Variants in ST3GAL1 observed in about 807,000 individuals in gnomAD.
ST3GAL1 encodes the protein CMP-N-acetylneuraminate-beta-galactosamide-alpha-2,3-sialyltransferase 1.
In ST3GAL1, 16 loss-of-function variants were observed where a neutral mutation model predicts 34.1. That is an observed-to-expected ratio of 0.47 (90% CI 0.32 to 0.71). The LOEUF (loss-of-function observed/expected upper bound fraction) is 0.71. Ranked by LOEUF, ST3GAL1 falls within the 30% of genes least tolerant of loss-of-function variation. The pLI is 0.04. For synonymous variants in ST3GAL1, 191 were observed against 184.7 expected, an observed-to-expected ratio of 1.03 and a Z score of -0.28; for missense variants, 353 against 447.4, an observed-to-expected ratio of 0.79 and a Z score of 1.90.
Position 133,477,554 on chromosome 8 carries a change from T to C in ST3GAL1, c.-373-954A>G, listed in dbSNP as rs1388088910. Among the ~76,000 whole-genome samples, 3 of 127,432 alleles carry C rather than the reference T, an allele frequency of 2.4e-5. No individual in the cohort carries two copies. The Admixed American group carries it at 2.4e-4, about 10-fold the overall frequency. The allele number at this position is 127,432 out of a possible 152,430, so 83.6% of individuals were successfully genotyped here. A position where few individuals can be genotyped will look rare whatever the true frequency, so the allele number is the denominator to read the frequency against. ...GGTTGGGGGACCAGGAACAGGGGGT[T>C]GGGGGGCTCTACCCTGGAGCAGACA... On this transcript the variant is annotated intron_variant, in intron 3 of 9. Transcript: ENST00000522652.
intron 2 of ST3GAL1, among the ~76,000 whole-genome samples, chr8:133,540,892 T>TAGACATATATAG (rs1563734154): frequency 4.7e-5 from 3 of 64,144 alleles, no homozygotes; most frequent in East Asian, 5.4e-4. Context: ...GACATATATA[T>TAGACATATATAG]AGACATATAT....
chr8:133,483,880 G>A (rs1431538288), intron 3 of ST3GAL1, among the ~76,000 whole-genome samples: 1 of 152,106 alleles, frequency 6.6e-6, no homozygotes, highest in South Asian at 2.1e-4. Flanking sequence ...CCCAGGAAAA[G>A]GTTCCTCAAA....
chr8:133,529,281 C>CAAATGCCAGACAGAAA (rs1335652688), intron 2 of ST3GAL1, among the ~76,000 whole-genome samples: 1 of 152,212 alleles, frequency 6.6e-6, no homozygotes, highest in East Asian at 1.9e-4. Flanking sequence ...ATATGTCAGG[C>CAAATGCCAGACAGAAA]AAATGCCAGA....
chr8:133,552,483 G>A (rs1225935091), intron 1 of ST3GAL1, among the ~76,000 whole-genome samples: 1 of 152,300 alleles, frequency 6.6e-6, no homozygotes, highest in African/African-American at 2.4e-5. Context: ...AGAAATTCTG[G>A]GTGTGTGAAC....
intron 2 of ST3GAL1, among the ~76,000 whole-genome samples, chr8:133,529,830 C>G (rs375147064): frequency 6.6e-6 from 1 of 152,202 alleles, no homozygotes; most frequent in African/African-American, 2.4e-5. Context: ...CAGACACCCA[C>G]GTGGACAAGG....
At chr8:133,503,564 C>T (rs1817248166) in intron 2 of ST3GAL1, among the ~76,000 whole-genome samples, 1 of 151,942 alleles carries the variant, frequency 6.6e-6, no homozygotes, top group African/African-American at 2.4e-5. Flanking sequence ...AGAAACTCCA[C>T]CCTAGCTGGG....
rs1235142063 is a variant in ST3GAL1, at chr8:133,461,851, G to T, written c.849+24C>A. 1.9e-6 allele frequency: 3 copies of T among 1,613,626 alleles called. No homozygotes were observed. In the Admixed American group the frequency reaches 5.0e-5, roughly 27 times the overall value. Reference sequence around the variant, plus strand: ...GGACGGTGAGCTTCGAGGCAGCCCTGTGGGCAGGGGGAGGGTGGCATACCT... The same window carrying T: ...GGACGGTGAGCTTCGAGGCAGCCCTTTGGGCAGGGGGAGGGTGGCATACCT... On this transcript the variant is annotated intron_variant, in intron 9 of 9. Transcript: ENST00000522652. The surrounding 1 kb of genome is among the most constrained non-coding windows in gnomAD (Gnocchi z 4.7).
At position 133,508,749 on chromosome 8, in the gene ST3GAL1, C is replaced by T. The variant is rs1817420745; in HGVS notation, c.-428-9560G>A. ...GGGTCCCAAGAATGTGCCAGGCTCT[C>T]TTTGGGATACTGGAGATACAATGAG... On this transcript the variant is annotated intron_variant, in intron 2 of 9. Transcript: ENST00000522652. This position sits in a 1 kb window ranked among gnomAD's most constrained non-coding sequence, Gnocchi z 4.1. Among the ~76,000 whole-genome samples, 1 of 152,100 alleles carries T rather than the reference C, an allele frequency of 6.6e-6. No individual in the cohort carries two copies. Among genetic ancestry groups the T allele is most frequent in the Non-Finnish European group, 1.5e-5 (1 of 68,016 alleles).
intron 1 of ST3GAL1, among the ~76,000 whole-genome samples, chr8:133,552,818 C>T (rs1011361628): frequency 3.3e-5 from 5 of 152,192 alleles, no homozygotes; most frequent in African/African-American, 9.7e-5. Context: ...TTATCATCAA[C>T]AATAGCAACC....
chr8:133,529,797 AC>A (rs1213910192), intron 2 of ST3GAL1, among the ~76,000 whole-genome samples: 2 of 151,870 alleles, frequency 1.3e-5, no homozygotes, highest in Admixed American at 6.6e-5. Flanking sequence ...TAGCTTTGTA[AC>A]CCCCATTTGA....
intron 8 of ST3GAL1, 58 bp from the exon 9 acceptor site, chr8:133,462,052 C>G: frequency 1.2e-6 from 2 of 1,608,986 alleles, no homozygotes; most frequent in South Asian, 2.2e-5. Flanking sequence ...GGACATGGAG[C>G]GCCTGTCAGA....
chr8:133,526,208 T>C (rs1235022738), intron 2 of ST3GAL1, among the ~76,000 whole-genome samples: 1 of 152,246 alleles, frequency 6.6e-6, no homozygotes, highest in Non-Finnish European at 1.5e-5. Context: ...GAGCTGAGGA[T>C]GCCCACCTTT....
At chr8:133,527,849 T>G (rs963060529) in intron 2 of ST3GAL1, among the ~76,000 whole-genome samples, 1 of 152,172 alleles carries the variant, frequency 6.6e-6, no homozygotes, top group Non-Finnish European at 1.5e-5. Flanking sequence ...CCCAGGGGAC[T>G]GAGCCCATTC....
chr8:133,461,743 G>A lies in ST3GAL1; in HGVS notation c.849+132C>T, dbSNP rs534690540. 58 of 1,304,704 alleles carry A rather than the reference G, an allele frequency of 4.4e-5. No homozygotes were observed. Among genetic ancestry groups the A allele is most frequent in the East Asian group, 9.4e-5 (4 of 42,754 alleles). The allele number at this position is 1,304,704 out of a possible 1,614,324, so 80.8% of individuals were successfully genotyped here. ...GGAGACACATGTTGCAAGTCCTGTC[G>A]TAGAGACAGGGAATCCGAGCTTCCG... is the stretch of plus-strand genomic sequence containing the variant. On this transcript the variant is annotated intron_variant, in intron 9 of 9. Coordinates refer to ENST00000522652, the MANE Select transcript of ST3GAL1 (RefSeq NM_173344.3). This position sits in a 1 kb window ranked among gnomAD's most constrained non-coding sequence, Gnocchi z 4.7.
chr8:133,474,779 A>C (rs1052205513), intron 5 of ST3GAL1, among the ~76,000 whole-genome samples: 1 of 152,162 alleles, frequency 6.6e-6, no homozygotes, highest in East Asian at 1.9e-4. Flanking sequence ...CTGCTGTCTC[A>C]GAGACCTCCC....
chr8:133,490,776 C>T (rs1178415413), intron 3 of ST3GAL1, among the ~76,000 whole-genome samples: 1 of 152,186 alleles, frequency 6.6e-6, no homozygotes, highest in Non-Finnish European at 1.5e-5. Flanking sequence ...GGGAGCCCGG[C>T]TGGCTTGTGA....
In ST3GAL1 at chr8:133,541,044, CATATATATAGACAT is replaced by C. The variant is rs1457127952; in HGVS notation, c.-429+4716_-429+4729del. 1.6e-3 allele frequency among the ~76,000 whole-genome samples: 150 copies of C among 92,614 alleles called. 10 individuals carry two copies. The highest frequency in any genetic ancestry group is 5.4e-3 in the African/African-American group (121 of 22,372). 60.8% of individuals were successfully genotyped at this position (92,614 alleles called of 152,430 possible). A position where few individuals can be genotyped will look rare whatever the true frequency, so the allele number is the denominator to read the frequency against. On this transcript the variant is annotated intron_variant, in intron 2 of 9. Coordinates refer to ENST00000522652, the MANE Select transcript of ST3GAL1 (RefSeq NM_173344.3). ...AGACATATATATAGACATATATAGA[CATATATATAGACAT>C]ATATATATAGACATATATATAGACA...
chr8:133,475,860 C>A lies in ST3GAL1; in HGVS notation c.165G>T (p.Lys55Asn). The A allele has an allele frequency of 6.2e-7, 1 of 1,614,158 alleles. No homozygotes were observed. Among genetic ancestry groups the A allele is most frequent in the South Asian group, 1.1e-5 (1 of 91,074 alleles). ...AGTGGGTGCAGGTGCAAGGCCTGTG[C>A]TTGATCAGTCTCTTCAGGTTCTCGG... ...ELSENLKRLI[K>N]HRPCTCTHCI... Residue 55 changes from lysine to asparagine, a missense_variant, in exon 5 of 10, where the codon AAG becomes AAT. Transcript: ENST00000522652.
chr8:133,514,409 G>T (rs545327667), intron 2 of ST3GAL1, among the ~76,000 whole-genome samples: 167 of 152,280 alleles, frequency 1.1e-3, no homozygotes, highest in Middle Eastern at 6.8e-3. Context: ...CCAGCAAGGA[G>T]CCTGGGGTGA....
Sources: allele counts gnomAD v4.1 joint callset (sites outside exome capture counted in the v4.1 genomes callset), GRCh38; gene constraint gnomAD v4.1.1; non-coding constraint Gnocchi (gnomAD v3.1); transcripts MANE v1.5; gene names NCBI Gene and HGNC (gene_info 2026-07-23, HGNC 2026-07-21).